The following C16orf74 variants were observed in gnomAD, a reference collection of about 807,000 sequenced individuals.
The protein encoded by C16orf74 is calcimembrin, also known as uncharacterized protein C16orf74.
In C16orf74, 10 loss-of-function variants were observed where a neutral mutation model predicts 6.5. That is an observed-to-expected ratio of 1.54 (90% confidence interval 0.95 to 2.61). The LOEUF (loss-of-function observed/expected upper bound fraction) is 2.61, where lower values mean the gene tolerates loss of function less well. C16orf74 is among the 30% of genes most tolerant of loss of function. The pLI is 0.00. For missense variants in C16orf74, 141 were observed against 105.9 expected (o/e 1.33, Z -1.45); for synonymous variants, 60 against 42.5 (o/e 1.41, Z -1.60).
At chr16:85,719,564 G>C (rs2054058631) in intron 2 of C16orf74, among the ~76,000 whole-genome samples, 1 of 152,142 alleles carries the variant, frequency 6.6e-6, no homozygotes, top group South Asian at 2.1e-4. Context: ...TTTGCGCACA[G>C]CCTGTGATCT....
intron 2 of C16orf74, among the ~76,000 whole-genome samples, chr16:85,723,526 C>T (rs1464494792): frequency 3.3e-5 from 5 of 152,152 alleles, no homozygotes; most frequent in Non-Finnish European, 7.3e-5. Flanking sequence ...GCTATGGCCA[C>T]GGTCATCTCC....
chr16:85,741,977 TG>T (rs1263097762), intron 1 of C16orf74, among the ~76,000 whole-genome samples: 1 of 152,222 alleles, frequency 6.6e-6, no homozygotes, highest in Non-Finnish European at 1.5e-5. Flanking sequence ...GGGAGGTGTC[TG>T]GGTCATGGGG....
chr16:85,710,681 T>G, intron 2 of C16orf74: 1 of 192,732 alleles, frequency 5.2e-6, no homozygotes, highest in Non-Finnish European at 1.1e-5. Flanking sequence ...GTGCTCACAC[T>G]TCCCCAGACT....
In C16orf74 at chr16:85,735,265, G is replaced by C. The variant is rs373781100; in HGVS notation, c.-18-30C>G. Reference sequence around the variant, plus strand: ...GGAGAGAGGACAGCGCTGAGAGAGGGGAGGGCGCGACTTGTTTGTATTGGC... The same window carrying C: ...GGAGAGAGGACAGCGCTGAGAGAGGCGAGGGCGCGACTTGTTTGTATTGGC... On this transcript the variant is annotated intron_variant, in intron 1 of 3. Coordinates refer to ENST00000284245, the MANE Select transcript of C16orf74 (RefSeq NM_206967.3). 15 of 1,530,426 alleles carry C rather than the reference G, an allele frequency of 9.8e-6. No homozygotes were observed. In the African/African-American group the frequency reaches 1.8e-4, roughly 19 times the overall value. 94.8% of individuals were successfully genotyped at this position (1,530,426 alleles called of 1,614,324 possible). A position where few individuals can be genotyped will look rare whatever the true frequency, so the allele number is the denominator to read the frequency against.
intron 2 of C16orf74, among the ~76,000 whole-genome samples, chr16:85,719,021 G>C (rs2054052637): frequency 6.6e-6 from 1 of 152,214 alleles, no homozygotes; most frequent in Non-Finnish European, 1.5e-5. Flanking sequence ...GAATGGCCAG[G>C]GGCTTGGGAA....
chr16:85,708,102 C>T, intron 3 of C16orf74, 36 bp from the exon 4 acceptor site: 1 of 1,512,916 alleles, frequency 6.6e-7, no homozygotes, highest in Non-Finnish European at 9.0e-7. Context: ...TGGATGCACC[C>T]TGCCCCCACC....
chr16:85,713,740 G>A (rs145301126), intron 2 of C16orf74, among the ~76,000 whole-genome samples: 23 of 144,132 alleles, frequency 1.6e-4, no homozygotes, highest in Non-Finnish European at 2.9e-4. Flanking sequence ...TGGAAGACAC[G>A]GTTCAATCCT....
rs993170853 is a variant in C16orf74 at position 85,710,483 on chromosome 16, GA to G, written c.29-177del. 8.5e-5 allele frequency: 46 copies of G among 541,164 alleles called. No homozygotes were observed. The Admixed American group carries it at 1.8e-3, about 21-fold the overall frequency. 33.5% of individuals were successfully genotyped at this position (541,164 alleles called of 1,614,324 possible). A position where few individuals can be genotyped will look rare whatever the true frequency, so the allele number is the denominator to read the frequency against. On this transcript the variant is annotated intron_variant, in intron 2 of 3. Coordinates refer to ENST00000284245, the MANE Select transcript of C16orf74 (RefSeq NM_206967.3). Reference sequence around the variant, plus strand: ...AGATGAAAACCGGCGTCTCAGGAATGAAAAAGGAGCCCTTGTCACATCTCAC... The same window carrying G: ...AGATGAAAACCGGCGTCTCAGGAATGAAAAGGAGCCCTTGTCACATCTCAC...
At chr16:85,736,512 G>A (rs1330064011) in intron 1 of C16orf74, among the ~76,000 whole-genome samples, 1 of 152,172 alleles carries the variant, frequency 6.6e-6, no homozygotes, top group Non-Finnish European at 1.5e-5. Flanking sequence ...AAGTCCAGGT[G>A]GAGCTAGTAA....
chr16:85,713,921 G>A (rs1451740779), intron 2 of C16orf74, among the ~76,000 whole-genome samples: 5 of 152,132 alleles, frequency 3.3e-5, no homozygotes, highest in African/African-American at 1.2e-4. Flanking sequence ...CTTCCCTTTG[G>A]TCTTAACCTG....
At chr16:85,740,674 A>C (rs2054295655) in intron 1 of C16orf74, among the ~76,000 whole-genome samples, 1 of 137,198 alleles carries the variant, frequency 7.3e-6, no homozygotes, top group Non-Finnish European at 1.5e-5. Flanking sequence ...CGTGGGGCAC[A>C]GAGCGAGACT....
intron 2 of C16orf74, among the ~76,000 whole-genome samples, chr16:85,724,193 G>A (rs573312425): frequency 7.9e-5 from 12 of 152,208 alleles, no homozygotes; most frequent in African/African-American, 2.6e-4. Flanking sequence ...CACCTGGCCC[G>A]CTCTGACTTC....
intron 1 of C16orf74, among the ~76,000 whole-genome samples, chr16:85,747,100 GGAT>G (rs2054382813): frequency 6.6e-6 from 1 of 152,236 alleles, no homozygotes; most frequent in Non-Finnish European, 1.5e-5. Flanking sequence ...GGCCTCCCAC[GGAT>G]GAGCCGTGTG....
chr16:85,734,527 G>A (rs1005104145), intron 2 of C16orf74, among the ~76,000 whole-genome samples: 2 of 152,186 alleles, frequency 1.3e-5, no homozygotes, highest in African/African-American at 2.4e-5. Context: ...AGCCAGAGGC[G>A]GTCTCAGGCA....
At chr16:85,721,812 T>C (rs2054085978) in intron 2 of C16orf74, among the ~76,000 whole-genome samples, 1 of 152,114 alleles carries the variant, frequency 6.6e-6, no homozygotes, top group Non-Finnish European at 1.5e-5. Flanking sequence ...ACGGAGGGGC[T>C]CCAGGATGGC....
chr16:85,746,223 G>A (rs984105159), intron 1 of C16orf74, among the ~76,000 whole-genome samples: 18 of 152,180 alleles, frequency 1.2e-4, no homozygotes, highest in East Asian at 1.9e-4. Flanking sequence ...GGCAGAGGGC[G>A]CCTGTAATCC....
chr16:85,735,750 G>C (rs201043383), intron 1 of C16orf74, among the ~76,000 whole-genome samples: 2 of 151,250 alleles, frequency 1.3e-5, no homozygotes, highest in East Asian at 1.9e-4. Flanking sequence ...AGGACGTGTG[G>C]CCCCCCCAGC....
At chr16:85,744,719 A>G (rs781643531) in intron 1 of C16orf74, among the ~76,000 whole-genome samples, 1 of 150,854 alleles carries the variant, frequency 6.6e-6, no homozygotes, top group African/African-American at 2.4e-5. Context: ...AGTCTCAGCT[A>G]CTTGGGAGGC....
rs2053929014 is a variant in C16orf74, at chr16:85,707,930, T to A, written c.*78A>T. On this transcript the variant is annotated 3_prime_UTR_variant, in exon 4 of 4. Coordinates refer to ENST00000284245, the MANE Select transcript of C16orf74 (RefSeq NM_206967.3). ...CATCCAGGGTATTCAGCACACCTGC[T>A]CCAGGCAGCCACGCCCCCGGACACC... 1.5e-6 allele frequency: 2 copies of A among 1,302,134 alleles called. No homozygotes were observed. Among genetic ancestry groups the A allele is most frequent in the East Asian group, 2.5e-5 (1 of 39,786 alleles). The allele number at this position is 1,302,134 out of a possible 1,614,324, so 80.7% of individuals were successfully genotyped here.
Sources: gnomAD v4.1 joint callset for allele counts (sites outside exome capture counted in the v4.1 genomes callset) on GRCh38, gnomAD v4.1.1 for gene constraint, MANE v1.5 for transcripts, NCBI Gene and HGNC (gene_info 2026-07-23, HGNC 2026-07-21) for gene names.